Variants in NRG3 observed in about 807,000 individuals in gnomAD.
NRG3 encodes the protein neuregulin 3.
NRG3 carries 31 observed loss-of-function variants against 66.9 expected under a neutral mutation model. The ratio of observed to expected loss-of-function variants is 0.46; its 90% CI spans 0.35 to 0.63. The LOEUF (loss-of-function observed/expected upper bound fraction) is 0.63. NRG3 is among the 20% of genes least tolerant of loss of function. The pLI is 0.00. For synonymous variants in NRG3, 393 were observed against 359.4 expected, an observed-to-expected ratio of 1.09 and a Z score of -1.06; for missense variants, 910 against 878.9, an observed-to-expected ratio of 1.04 and a Z score of -0.45.
intron 2 of NRG3, among the ~76,000 whole-genome samples, chr10:82,367,863 T>A (rs189000442): frequency 2.1e-4 from 32 of 152,182 alleles, no homozygotes; most frequent in Non-Finnish European, 1.5e-4. Flanking sequence ...GGTGTGGTGA[T>A]GCATGCCTGT....
chr10:82,962,710 G>T (rs1004695250), intron 6 of NRG3, among the ~76,000 whole-genome samples: 1 of 151,980 alleles, frequency 6.6e-6, no homozygotes, highest in South Asian at 2.1e-4. Context: ...GTGGTGGTGG[G>T]TGCCTGTAAT....
intron 1 of NRG3, among the ~76,000 whole-genome samples, chr10:81,894,027 C>G (rs1843276158): frequency 6.6e-6 from 1 of 152,212 alleles, no homozygotes; most frequent in Admixed American, 6.5e-5. Context: ...ATGCCACAGA[C>G]TGCATGGACT....
chr10:81,983,797 G>C (rs925431692), intron 1 of NRG3, among the ~76,000 whole-genome samples: 4 of 152,120 alleles, frequency 2.6e-5, no homozygotes, highest in Non-Finnish European at 4.4e-5. Context: ...GTTTATAACT[G>C]TTGTAGATTA....
chr10:82,069,912 G>A (rs148868425), intron 1 of NRG3, among the ~76,000 whole-genome samples: 166 of 152,190 alleles, frequency 1.1e-3, no homozygotes, highest in African/African-American at 3.7e-3. Flanking sequence ...GACAGGATTC[G>A]CCTCTCTTAT....
chr10:82,304,596 G>A (rs145882643), intron 1 of NRG3, among the ~76,000 whole-genome samples: 2 of 152,186 alleles, frequency 1.3e-5, no homozygotes, highest in Non-Finnish European at 2.9e-5. Flanking sequence ...GATAGGTGAG[G>A]TTATGCTATT....
rs188402409 is a variant in NRG3 at position 81,921,378 on chromosome 10, A to C, written c.823+45215A>C. On this transcript the variant is annotated intron_variant, in intron 1 of 8. Transcript: ENST00000372141. Reference sequence around the variant, plus strand: ...ATAGTTCTTAATATGTATTAATAATAGTAACTCCATCTCTGAAAGAAATGC... The same window carrying C: ...ATAGTTCTTAATATGTATTAATAATCGTAACTCCATCTCTGAAAGAAATGC... 8.5e-5 allele frequency among the ~76,000 whole-genome samples: 13 copies of C among 152,226 alleles called. No individual in the cohort carries two copies. In the East Asian group the frequency reaches 2.1e-3, roughly 25 times the overall value.
At chr10:82,119,949 G>A (rs2067980998) in intron 1 of NRG3, among the ~76,000 whole-genome samples, 1 of 152,042 alleles carries the variant, frequency 6.6e-6, no homozygotes, top group Non-Finnish European at 1.5e-5. Flanking sequence ...TATTTGTCAC[G>A]ACCTCTACTT....
At chr10:82,676,869 T>C (rs2053728851) in intron 2 of NRG3, among the ~76,000 whole-genome samples, 1 of 152,074 alleles carries the variant, frequency 6.6e-6, no homozygotes, top group Admixed American at 6.6e-5. Flanking sequence ...GAGTTGCTTT[T>C]AAGGGGAGTT....
intron 2 of NRG3, among the ~76,000 whole-genome samples, chr10:82,499,619 G>A (rs796601546): frequency 2.6e-5 from 4 of 152,150 alleles, no homozygotes; most frequent in African/African-American, 9.6e-5. Flanking sequence ...GCAAAAAATA[G>A]GACAATAGAA....
At chr10:82,375,500 G>A (rs747829549) in intron 2 of NRG3, among the ~76,000 whole-genome samples, 2 of 148,448 alleles carry the variant, frequency 1.3e-5, no homozygotes, top group African/African-American at 2.5e-5. Flanking sequence ...TCGTGCCACC[G>A]CACTCCAGCC....
Position 82,778,557 on chromosome 10 carries a change from C to T in NRG3, c.1027+39907C>T, listed in dbSNP as rs139168189. Among the ~76,000 whole-genome samples the T allele has an allele frequency of 7.0e-4, 107 of 152,272 alleles. No homozygotes were observed. In the East Asian group the frequency reaches 0.013, roughly 18 times the overall value. ...AAAAAGCATGGGGGAACCGCCCCTA[C>T]GATCCAATTACCTCCACCTTGTCCC... On this transcript the variant is annotated intron_variant, in intron 3 of 8. Coordinates refer to ENST00000372141, the MANE Select transcript of NRG3 (RefSeq NM_001010848.4).
chr10:82,884,371 A>G (rs1309043659), intron 4 of NRG3, among the ~76,000 whole-genome samples: 1 of 152,186 alleles, frequency 6.6e-6, no homozygotes, highest in Non-Finnish European at 1.5e-5. Context: ...ACAGATAAAA[A>G]ATACAGATAT....
At chr10:82,825,516 T>C (rs190525671) in intron 3 of NRG3, among the ~76,000 whole-genome samples, 1 of 152,196 alleles carries the variant, frequency 6.6e-6, no homozygotes, top group Non-Finnish European at 1.5e-5. Flanking sequence ...GTGGAAACTC[T>C]AAGCACAGCT....
intron 1 of NRG3, among the ~76,000 whole-genome samples, chr10:82,018,588 G>A (rs1217448200): frequency 6.6e-6 from 1 of 152,086 alleles, no homozygotes; most frequent in Non-Finnish European, 1.5e-5. Context: ...TCTTCCATTT[G>A]TTTGTATCCT....
intron 1 of NRG3, among the ~76,000 whole-genome samples, chr10:81,935,919 A>ACACACACACACACACAC (rs1192033295): frequency 1.4e-4 from 21 of 146,758 alleles, no homozygotes; most frequent in African/African-American, 5.5e-4. Flanking sequence ...ACACACACAC[A>ACACACACACACACACAC]CACACAGTTT....
intron 1 of NRG3, among the ~76,000 whole-genome samples, chr10:82,271,622 A>T (rs79984246): frequency 0.033 from 4,972 of 152,072 alleles, 125 homozygotes; most frequent in Middle Eastern, 0.075. Flanking sequence ...ATTAACTCTA[A>T]TTGATTGGAA....
intron 1 of NRG3, among the ~76,000 whole-genome samples, chr10:82,185,022 G>A (rs1589245026): frequency 6.6e-6 from 1 of 152,230 alleles, no homozygotes; most frequent in South Asian, 2.1e-4. Context: ...ACTACATCTT[G>A]AGTCTATTAC....
chr10:82,981,052 G>C (rs968183515), intron 8 of NRG3, among the ~76,000 whole-genome samples: 1 of 152,094 alleles, frequency 6.6e-6, no homozygotes. Context: ...GCTCATGCTG[G>C]CCTTTTTTTT....
intron 2 of NRG3, among the ~76,000 whole-genome samples, chr10:82,442,147 G>A (rs2090464322): frequency 6.6e-6 from 1 of 152,118 alleles, no homozygotes; most frequent in Non-Finnish European, 1.5e-5. Flanking sequence ...TGATGCATGT[G>A]AATTACCTTT....
Sources: gnomAD v4.1 joint callset for allele counts (sites outside exome capture counted in the v4.1 genomes callset) on GRCh38, gnomAD v4.1.1 for gene constraint, MANE v1.5 for transcripts, NCBI Gene and HGNC (gene_info 2026-07-23, HGNC 2026-07-21) for gene names.